RYR2: variants seen among roughly 807,000 people sequenced by gnomAD.
RYR2 encodes cardiac muscle ryanodine receptor-calcium release channel.
Under a neutral mutation model 601.1 loss-of-function variants are expected in RYR2, and 227 were observed. The observed-to-expected ratio is 0.38, with a 90% CI of 0.34 to 0.42. The LOEUF (loss-of-function observed/expected upper bound fraction) is 0.42, where lower values mean the gene tolerates loss of function less well. Ranked by LOEUF, RYR2 falls within the 10% of genes least tolerant of loss-of-function variation. RYR2 has a pLI of 1.00. For missense variants in RYR2, 4,646 were observed against 6,156.5 expected (o/e 0.75, Z 8.21); for synonymous variants, 2,223 against 2,175.1 (o/e 1.02, Z -0.61).
At chr1:237,383,829 C>G in intron 8 of RYR2, among the ~76,000 whole-genome samples, 1 of 152,100 alleles carries the variant, frequency 6.6e-6, no homozygotes, top group South Asian at 2.1e-4. Flanking sequence ...CCCGGGTGCC[C>G]AGAGATTGGT....
intron 47 of RYR2, among the ~76,000 whole-genome samples, chr1:237,641,467 G>GTCTTTCTT (rs1490727758): frequency 0.019 from 2,227 of 117,052 alleles, 58 homozygotes; most frequent in African/African-American, 0.075. Context: ...ATTAGTGTCT[G>GTCTTTCTT]TCTGTCTTTC....
In RYR2 at chr1:237,178,752, C is replaced by T. The variant is rs115652697; in HGVS notation, c.49-91745C>T. 6.0e-3 allele frequency among the ~76,000 whole-genome samples: 913 copies of T among 152,124 alleles called. 9 individuals are homozygous for T. Among genetic ancestry groups the T allele is most frequent in the South Asian group, 0.033 (158 of 4,814 alleles). ...GCCCAGAGTTCAAAGCTGCAGTGAG[C>T]TATGATTACAACATTGTACTCTAGC... On this transcript the variant is annotated intron_variant, in intron 1 of 104. Coordinates refer to ENST00000366574, the MANE Select transcript of RYR2 (RefSeq NM_001035.3).
intron 16 of RYR2, among the ~76,000 whole-genome samples, chr1:237,461,977 C>T: frequency 6.6e-6 from 1 of 151,950 alleles, no homozygotes; most frequent in Non-Finnish European, 1.5e-5. Flanking sequence ...CCATATGCTG[C>T]CAATATTTTT....
At chr1:237,314,045 G>T (rs1360967215) in intron 2 of RYR2, among the ~76,000 whole-genome samples, 31 of 96,576 alleles carry the variant, frequency 3.2e-4, no homozygotes, top group East Asian at 9.4e-4. Context: ...AAAAAGCTTT[G>T]TGTTTCAACA....
rs397975831 is a variant in RYR2, at chr1:237,346,367, C to CAAAAAAAAAAAAAAAAAAAAAAA, written c.274-9581_274-9580insAAAAAAAAAAAAAAAAAAAAAAA. ...CTGGGCAAAGTGAGAGGGTCTACCTCAAAAAAAAAAAAAAAAAGTGCATAT... is the reference window on the plus strand; with the variant it reads ...CTGGGCAAAGTGAGAGGGTCTACCTCAAAAAAAAAAAAAAAAAAAAAAAAAAAAAAAAAAAAAAAAGTGCATAT... On this transcript the variant is annotated intron_variant, in intron 3 of 104. Coordinates refer to ENST00000366574, the MANE Select transcript of RYR2 (RefSeq NM_001035.3). 7.3e-3 allele frequency among the ~76,000 whole-genome samples: 451 copies of CAAAAAAAAAAAAAAAAAAAAAAA among 62,066 alleles called. 18 individuals are homozygous for CAAAAAAAAAAAAAAAAAAAAAAA. The highest frequency in any genetic ancestry group is 0.013 in the East Asian group (23 of 1,818). The allele number at this position is 62,066 out of a possible 152,430, so 40.7% of individuals were successfully genotyped here. A position where few individuals can be genotyped will look rare whatever the true frequency, so the allele number is the denominator to read the frequency against.
At chr1:237,546,993 A>ATATATATATATATATATTTATT (rs746133377) in intron 25 of RYR2, among the ~76,000 whole-genome samples, 21 of 127,394 alleles carry the variant, frequency 1.6e-4, no homozygotes, top group Admixed American at 2.6e-4. Context: ...ATATATATAT[A>ATATATATATATATATATTTATT]TATTTATTTA....
At chr1:237,172,307 T>C (rs1677493226) in intron 1 of RYR2, among the ~76,000 whole-genome samples, 1 of 152,192 alleles carries the variant, frequency 6.6e-6, no homozygotes, top group South Asian at 2.1e-4. Context: ...GACAAGGTTT[T>C]ATCATTAACC....
chr1:237,351,103 T>G (rs1308675615), intron 3 of RYR2, among the ~76,000 whole-genome samples: 2 of 152,094 alleles, frequency 1.3e-5, no homozygotes, highest in Non-Finnish European at 2.9e-5. Flanking sequence ...CAAAAGGAAT[T>G]GCAAATCCAT....
intron 58 of RYR2, among the ~76,000 whole-genome samples, chr1:237,671,180 A>T (rs542484995): frequency 6.6e-6 from 1 of 152,282 alleles, no homozygotes; most frequent in African/African-American, 2.4e-5. Context: ...TTTAAAGAGG[A>T]ACTAGTTTAG....
At chr1:237,066,476 C>A (rs1305151385) in intron 1 of RYR2, among the ~76,000 whole-genome samples, 1 of 152,118 alleles carries the variant, frequency 6.6e-6, no homozygotes, top group Non-Finnish European at 1.5e-5. Context: ...TTTGGGAGAT[C>A]CAGTTTCTCC....
chr1:237,749,494 A>T (rs925769447), intron 80 of RYR2, among the ~76,000 whole-genome samples: 2 of 152,146 alleles, frequency 1.3e-5, no homozygotes, highest in Non-Finnish European at 2.9e-5. Flanking sequence ...AAGTCAGGGA[A>T]GCCCATAGAT....
chr1:237,231,589 C>T (rs1174903452), intron 1 of RYR2, among the ~76,000 whole-genome samples: 1 of 152,158 alleles, frequency 6.6e-6, no homozygotes, highest in African/African-American at 2.4e-5. Flanking sequence ...CACATCAGCA[C>T]CCCTTGAGGC....
chr1:237,071,047 AG>A (rs1271040704), intron 1 of RYR2, among the ~76,000 whole-genome samples: 1 of 152,136 alleles, frequency 6.6e-6, no homozygotes, highest in Non-Finnish European at 1.5e-5. Context: ...CCAGGTCCCA[AG>A]TTCTAGTCCA....
rs1263914797 is a variant in RYR2, at chr1:237,657,884, A to G, written c.8130-60A>G. The G allele has an allele frequency of 6.6e-6, 6 of 904,552 alleles. No individual in the cohort carries two copies. The African/African-American group carries it at 8.6e-5, about 13-fold the overall frequency. The allele number at this position is 904,552 out of a possible 1,614,324, so 56.0% of individuals were successfully genotyped here. On this transcript the variant is annotated intron_variant, in intron 53 of 104. Coordinates refer to ENST00000366574, the MANE Select transcript of RYR2 (RefSeq NM_001035.3). ...ATTCATAAGCTGTGAGTAAATTATT[A>G]ATATGATTTCCTGTAAATTCTGTGA...
chr1:237,623,840 G>T lies in RYR2; in HGVS notation c.5992G>T (p.Asp1998Tyr), dbSNP rs1267764130. The change falls in exon 39 of 105, where the codon GAT becomes TAT. Residue 1998 changes from aspartate to tyrosine, a missense_variant. Physicochemically the swap from Asp to Tyr is radical, Grantham distance 160. Transcript: ENST00000366574. ...CPEEIRDQLL[D>Y]FHEDLMTHCG... ...AGAAGAAATTCGTGACCAACTATTG[G>T]ATTTCCATGAAGATTTGATGACACA... 6.2e-7 allele frequency: 1 copy of T among 1,612,356 alleles called. No individual in the cohort carries two copies.
chr1:237,782,588 T>C (rs1394150151), intron 89 of RYR2, among the ~76,000 whole-genome samples: 3 of 152,170 alleles, frequency 2.0e-5, no homozygotes, highest in Admixed American at 1.3e-4. Flanking sequence ...GTAGCCACTT[T>C]ATACCCTTTA....
chr1:237,311,450 T>G (rs777163343), intron 2 of RYR2, among the ~76,000 whole-genome samples: 5 of 151,994 alleles, frequency 3.3e-5, no homozygotes, highest in Admixed American at 6.6e-5. Context: ...AGTTTGAGTA[T>G]GATATGACAT....
Position 237,320,545 on chromosome 1 carries a change from CAG to C in RYR2, c.169-10330_169-10329del, listed in dbSNP as rs199783975. ...ACCTCCAGATCACCTGCTGTTAAGTCAGAGTCACATCTCACAAATACAGCTCT... is the reference window on the plus strand; with the variant it reads ...ACCTCCAGATCACCTGCTGTTAAGTCAGTCACATCTCACAAATACAGCTCT... On this transcript the variant is annotated intron_variant, in intron 2 of 104. Coordinates refer to ENST00000366574, the MANE Select transcript of RYR2 (RefSeq NM_001035.3). Among the ~76,000 whole-genome samples, 544 of 152,290 alleles carry C rather than the reference CAG, an allele frequency of 3.6e-3. 4 individuals are homozygous for C. The highest frequency in any genetic ancestry group is 0.013 in the African/African-American group (525 of 41,564).
chr1:237,658,160 G>A (rs1294517444), intron 54 of RYR2, 138 bp downstream of exon 54: 22 of 448,396 alleles, frequency 4.9e-5, no homozygotes, highest in Non-Finnish European at 7.2e-5. Context: ...ATTACAATTA[G>A]CTTATATAAT....
Sources: allele counts gnomAD v4.1 joint callset (sites outside exome capture counted in the v4.1 genomes callset), GRCh38; gene constraint gnomAD v4.1.1; transcripts MANE v1.5; gene names NCBI Gene and HGNC (gene_info 2026-07-23, HGNC 2026-07-21).